TSTD2: variants seen among roughly 807,000 people sequenced by gnomAD.
TSTD2 encodes the protein thiosulfate sulfurtransferase like domain containing 2.
In TSTD2, 37 loss-of-function variants were observed where a neutral mutation model predicts 47.9. That is an observed-to-expected ratio of 0.77 (90% CI 0.59 to 1.02). The LOEUF (loss-of-function observed/expected upper bound fraction) is 1.02, where lower values mean the gene tolerates loss of function less well. Ranked by LOEUF, TSTD2 falls within the 50% of genes least tolerant of loss-of-function variation. The pLI is 0.00. For missense variants in TSTD2, 586 were observed against 616.0 expected, an observed-to-expected ratio of 0.95 and a Z score of 0.52; for synonymous variants, 201 against 215.9, an observed-to-expected ratio of 0.93 and a Z score of 0.61.
intron 3 of TSTD2, among the ~76,000 whole-genome samples, chr9:97,620,005 T>G (rs954841497): frequency 2.6e-5 from 4 of 152,226 alleles, no homozygotes; most frequent in African/African-American, 7.2e-5. Context: ...TAAAAGTTAA[T>G]ACACTTCCTA....
Position 97,600,736 on chromosome 9 carries a change from A to G in TSTD2, c.*1733T>C. 7 of 1,007,324 alleles carry G rather than the reference A, an allele frequency of 6.9e-6. No homozygotes were observed. Among genetic ancestry groups the G allele is most frequent in the Non-Finnish European group, 8.3e-6 (7 of 843,112 alleles). The allele number at this position is 1,007,324 out of a possible 1,614,324, so 62.4% of individuals were successfully genotyped here. A position where few individuals can be genotyped will look rare whatever the true frequency, so the allele number is the denominator to read the frequency against. ...CAATGGTGAAGAAACTCCAGATATC[A>G]AGGAATTGGGAAATCCTGGCCAAAC... is the stretch of plus-strand genomic sequence containing the variant. On this transcript the variant is annotated 3_prime_UTR_variant, in exon 10 of 10. Coordinates refer to ENST00000341170, the MANE Select transcript of TSTD2 (RefSeq NM_139246.5).
intron 9 of TSTD2, chr9:97,603,155 C>CAACACACCTAAATACAGGCGAT (rs1826300000): frequency 5.0e-6 from 1 of 199,106 alleles, no homozygotes; most frequent in Admixed American, 6.1e-5. Flanking sequence ...CCAGGGGGGA[C>CAACACACCTAAATACAGGCGAT]AACACACCTA....
chr9:97,600,908 A>G lies in TSTD2; in HGVS notation c.*1561T>C. ...ATATACCACAGTGCCAGTTAAACTAATATTTTTGTTTGTTGCTTTTGGGAG... is the reference window on the plus strand; with the variant it reads ...ATATACCACAGTGCCAGTTAAACTAGTATTTTTGTTTGTTGCTTTTGGGAG... On this transcript the variant is annotated 3_prime_UTR_variant, in exon 10 of 10. Transcript: ENST00000341170. 3 of 1,157,952 alleles carry G rather than the reference A, an allele frequency of 2.6e-6. No individual in the cohort carries two copies. Among genetic ancestry groups the G allele is most frequent in the Non-Finnish European group, 3.3e-6 (3 of 919,670 alleles). The allele number at this position is 1,157,952 out of a possible 1,614,324, so 71.7% of individuals were successfully genotyped here. A position where few individuals can be genotyped will look rare whatever the true frequency, so the allele number is the denominator to read the frequency against.
At chr9:97,611,526 G>T in intron 5 of TSTD2, 48 bp downstream of exon 5, 1 of 1,540,790 alleles carries the variant, frequency 6.5e-7, no homozygotes, top group Non-Finnish European at 8.9e-7. Flanking sequence ...CATGCACAGA[G>T]GCAGAAGCAG....
chr9:97,600,453 T>G lies in TSTD2; in HGVS notation c.*2016A>C. 1 of 985,590 alleles carries G rather than the reference T, an allele frequency of 1.0e-6. No homozygotes were observed. Among genetic ancestry groups the G allele is most frequent in the South Asian group, 4.7e-5 (1 of 21,296 alleles). 61.1% of individuals were successfully genotyped at this position (985,590 alleles called of 1,614,324 possible). ...TACAATTTAATACTGGAGTTAGAACTTTTTCCTTATTGAATGCCAACCTTA... is the reference window on the plus strand; with the variant it reads ...TACAATTTAATACTGGAGTTAGAACGTTTTCCTTATTGAATGCCAACCTTA... On this transcript the variant is annotated 3_prime_UTR_variant, in exon 10 of 10. Coordinates refer to ENST00000341170, the MANE Select transcript of TSTD2 (RefSeq NM_139246.5).
intron 1 of TSTD2, among the ~76,000 whole-genome samples, chr9:97,628,260 T>C (rs907303709): frequency 2.6e-5 from 4 of 152,154 alleles, no homozygotes; most frequent in Admixed American, 2.6e-4. Flanking sequence ...CTTGTCAAAA[T>C]GGACACACTA....
Position 97,610,331 on chromosome 9 carries a change from T to TA in TSTD2, c.835+14dup. The TA allele has an allele frequency of 6.2e-7, 1 of 1,600,684 alleles. No homozygotes were observed. The highest frequency in any genetic ancestry group is 1.1e-5 in the South Asian group (1 of 88,886). ...CCCTGTGAATTAAAGCACAATCTTCTAAAAGCAAGCATACCAGGCTTCTTG... is the reference window on the plus strand; with the variant it reads ...CCCTGTGAATTAAAGCACAATCTTCTAAAAAGCAAGCATACCAGGCTTCTTG... On this transcript the variant is annotated intron_variant, in intron 6 of 9. Coordinates refer to ENST00000341170, the MANE Select transcript of TSTD2 (RefSeq NM_139246.5).
intron 4 of TSTD2, among the ~76,000 whole-genome samples, chr9:97,615,636 C>G (rs187612451): frequency 6.6e-6 from 1 of 152,292 alleles, no homozygotes; most frequent in East Asian, 1.9e-4. Context: ...GGGCATGTAT[C>G]CTTGACACCT....
chr9:97,601,051 G>A lies in TSTD2; in HGVS notation c.*1418C>T. 1 of 1,303,998 alleles carries A rather than the reference G, an allele frequency of 7.7e-7. No individual in the cohort carries two copies. The highest frequency in any genetic ancestry group is 1.0e-6 in the Non-Finnish European group (1 of 988,822). 80.8% of individuals were successfully genotyped at this position (1,303,998 alleles called of 1,614,324 possible). ...GAAGGCCTGCGCACTGAACTGTAAG[G>A]CAGTGGGCAGTACAGGGTAACTGGA... On this transcript the variant is annotated 3_prime_UTR_variant, in exon 10 of 10. Coordinates refer to ENST00000341170, the MANE Select transcript of TSTD2 (RefSeq NM_139246.5).
intron 6 of TSTD2, among the ~76,000 whole-genome samples, chr9:97,608,785 G>C (rs1826410091): frequency 6.6e-6 from 1 of 152,236 alleles, no homozygotes; most frequent in Non-Finnish European, 1.5e-5. Flanking sequence ...ACAGTAAGCA[G>C]ACAACAGCTC....
In TSTD2 at chr9:97,601,126, C is replaced by T; in HGVS notation, c.*1343G>A. 1 of 1,304,320 alleles carries T rather than the reference C, an allele frequency of 7.7e-7. No homozygotes were observed. The highest frequency in any genetic ancestry group is 1.0e-6 in the Non-Finnish European group (1 of 988,960). 80.8% of individuals were successfully genotyped at this position (1,304,320 alleles called of 1,614,324 possible). ...TGGAAGAGTGTCCACTGAGGCTGCA[C>T]ATGGCCCAGGAGTGGCACCATGTTG... On this transcript the variant is annotated 3_prime_UTR_variant, in exon 10 of 10. Coordinates refer to ENST00000341170, the MANE Select transcript of TSTD2 (RefSeq NM_139246.5).
At chr9:97,606,989 A>C (rs1263530457) in intron 6 of TSTD2, among the ~76,000 whole-genome samples, 1 of 151,784 alleles carries the variant, frequency 6.6e-6, no homozygotes, top group Non-Finnish European at 1.5e-5. Flanking sequence ...ACATAGCGAG[A>C]CTCTGTCTCT....
At chr9:97,604,478 T>A in intron 9 of TSTD2, 2 of 444,260 alleles carry the variant, frequency 4.5e-6, no homozygotes, top group Middle Eastern at 6.0e-4. Flanking sequence ...GGTGAGATGA[T>A]CCCCATGTTA....
At chr9:97,622,528 G>A (rs746789607) in intron 3 of TSTD2, among the ~76,000 whole-genome samples, 10 of 152,240 alleles carry the variant, frequency 6.6e-5, no homozygotes, top group Non-Finnish European at 1.3e-4. Context: ...GTGGAGCTAT[G>A]AGAAAAGGGC....
chr9:97,600,712 A>G lies in TSTD2; in HGVS notation c.*1757T>C. ...ATTAAGCCTCCGCAGGATGCCGGACAATGGTGAAGAAACTCCAGATATCAA... is the reference window on the plus strand; with the variant it reads ...ATTAAGCCTCCGCAGGATGCCGGACGATGGTGAAGAAACTCCAGATATCAA... On this transcript the variant is annotated 3_prime_UTR_variant, in exon 10 of 10. Coordinates refer to ENST00000341170, the MANE Select transcript of TSTD2 (RefSeq NM_139246.5). The G allele has an allele frequency of 9.9e-7, 1 of 1,005,214 alleles. No individual in the cohort carries two copies. Among genetic ancestry groups the G allele is most frequent in the Admixed American group, 5.9e-5 (1 of 17,082 alleles). The allele number at this position is 1,005,214 out of a possible 1,614,324, so 62.3% of individuals were successfully genotyped here.
In TSTD2 at chr9:97,601,003, A is replaced by G. The variant is rs1587972118; in HGVS notation, c.*1466T>C. 17 of 1,281,940 alleles carry G rather than the reference A, an allele frequency of 1.3e-5. No homozygotes were observed. The East Asian group carries it at 9.8e-4, about 74-fold the overall frequency. The allele number at this position is 1,281,940 out of a possible 1,614,324, so 79.4% of individuals were successfully genotyped here. A position where few individuals can be genotyped will look rare whatever the true frequency, so the allele number is the denominator to read the frequency against. ...GGTCAAGAACTCCAGAGCACTGAGC[A>G]GAGAGGCTGGTGATGAAAAGGTGAA... On this transcript the variant is annotated 3_prime_UTR_variant, in exon 10 of 10. Transcript: ENST00000341170.
intron 1 of TSTD2, among the ~76,000 whole-genome samples, chr9:97,632,535 A>C (rs1316026369): frequency 2.1e-5 from 3 of 143,954 alleles, no homozygotes; most frequent in Non-Finnish European, 3.0e-5. Context: ...GGCGCCAAAC[A>C]CTAGGCTCAG....
At chr9:97,611,323 G>C (rs553192254) in intron 5 of TSTD2, among the ~76,000 whole-genome samples, 3 of 151,910 alleles carry the variant, frequency 2.0e-5, no homozygotes, top group Non-Finnish European at 2.9e-5. Flanking sequence ...TAGCTACCTG[G>C]GAGGATCACC....
Position 97,627,429 on chromosome 9 carries a change from G to C in TSTD2, c.134C>G (p.Thr45Arg). The C allele has an allele frequency of 1.2e-6, 2 of 1,601,430 alleles. No individual in the cohort carries two copies. Among genetic ancestry groups the C allele is most frequent in the Non-Finnish European group, 1.7e-6 (2 of 1,173,512 alleles). Residue 45 changes from threonine to arginine, a missense_variant, in exon 2 of 10, where the codon ACA becomes AGA. By Grantham distance (71) the Thr-to-Arg change is moderately conservative. Coordinates refer to ENST00000341170, the MANE Select transcript of TSTD2 (RefSeq NM_139246.5). ...SSLKAELDGS[T>R]KKKYSFAKKK... ...CTTTGCAAACGAGTATTTCTTTTTT[G>C]TACTGCCATCTAATTCTGCTTTAAG... is the stretch of plus-strand genomic sequence containing the variant.
Sources: gnomAD v4.1 joint callset for allele counts (sites outside exome capture counted in the v4.1 genomes callset) on GRCh38, gnomAD v4.1.1 for gene constraint, MANE v1.5 for transcripts, NCBI Gene and HGNC (gene_info 2026-07-23, HGNC 2026-07-21) for gene names.